Variants in ASIC2 observed in about 807,000 individuals in gnomAD.
ASIC2 encodes the protein acid-sensing ion channel 2.
A neutral mutation model predicts 57.3 loss-of-function variants in ASIC2; 25 were observed. That is an observed-to-expected ratio of 0.44 (90% confidence interval 0.32 to 0.61). ASIC2 has a LOEUF of 0.61. ASIC2 is among the 20% of genes least tolerant of loss of function. The pLI is 0.06. For synonymous variants in ASIC2, 319 were observed against 307.5 expected, an observed-to-expected ratio of 1.04 and a Z score of -0.39; for missense variants, 641 against 738.1, an observed-to-expected ratio of 0.87 and a Z score of 1.52.
Position 33,429,701 on chromosome 17 carries a change from G to C in ASIC2, c.556-317634C>G, listed in dbSNP as rs557194845. Among the ~76,000 whole-genome samples, 6 of 152,228 alleles carry C rather than the reference G, an allele frequency of 3.9e-5. No homozygotes were observed. The East Asian group carries it at 1.2e-3, about 29-fold the overall frequency. On this transcript the variant is annotated intron_variant, in intron 1 of 9. Transcript: ENST00000359872. ...CACCGCCCCCAGCCCAGCCTAGGTAGTTTTGAACAAAATGAGATCTGAGGC... is the reference window on the plus strand; with the variant it reads ...CACCGCCCCCAGCCCAGCCTAGGTACTTTTGAACAAAATGAGATCTGAGGC...
In ASIC2 at chr17:33,224,150, A is replaced by G. The variant is rs1472573365; in HGVS notation, c.708+67258T>C. On this transcript the variant is annotated intron_variant, in intron 1 of 9. Transcript: ENST00000225823. ...AAGAACACAGGGTCAGGTGTTGTGC[A>G]TGTAAGCTTGGCAAATCCTATCATA... Among the ~76,000 whole-genome samples the G allele has an allele frequency of 2.6e-5, 4 of 152,356 alleles. 1 individual carries two copies. The highest frequency in any genetic ancestry group is 6.8e-3 in the Middle Eastern group (2 of 294).
intron 1 of ASIC2, among the ~76,000 whole-genome samples, chr17:33,445,534 C>A (rs1160932690): frequency 1.3e-5 from 2 of 152,082 alleles, no homozygotes; most frequent in African/African-American, 2.4e-5. Flanking sequence ...GCCATTGGTT[C>A]TCTGTGGGCA....
intron 1 of ASIC2, among the ~76,000 whole-genome samples, chr17:33,682,188 T>C (rs1216130061): frequency 2.6e-5 from 4 of 151,566 alleles, no homozygotes; most frequent in African/African-American, 9.7e-5. Flanking sequence ...GCCTCCTGAA[T>C]AGCTGGGACT....
intron 1 of ASIC2, among the ~76,000 whole-genome samples, chr17:33,673,897 C>CTTTTTTT (rs574986885): frequency 7.1e-6 from 1 of 141,134 alleles, no homozygotes; most frequent in African/African-American, 2.7e-5. Context: ...GCATCCGTGT[C>CTTTTTTT]TTTTTTTTTT....
At chr17:33,110,741 C>A (rs778901812) in intron 2 of ASIC2, among the ~76,000 whole-genome samples, 1 of 152,156 alleles carries the variant, frequency 6.6e-6, no homozygotes, top group South Asian at 2.1e-4. Flanking sequence ...GAGTGCCAGA[C>A]TCTAGAGTCC....
intron 1 of ASIC2, among the ~76,000 whole-genome samples, chr17:33,938,814 C>T (rs1182357228): frequency 6.6e-6 from 1 of 152,242 alleles, no homozygotes; most frequent in African/African-American, 2.4e-5. Context: ...GCATGGCTGT[C>T]TCCCTGCCTC....
chr17:33,160,357 A>T (rs1025677994), intron 1 of ASIC2, among the ~76,000 whole-genome samples: 1 of 152,224 alleles, frequency 6.6e-6, no homozygotes, highest in Non-Finnish European at 1.5e-5. Flanking sequence ...AAGAAAATGG[A>T]GTCTCAGAGT....
At position 33,799,403 on chromosome 17, in the gene ASIC2, T is replaced by TTTCTTTCTTTC. The variant is rs756059318; in HGVS notation, c.555+356574_555+356575insGAAAGAAAGAA. ...CTTTCTTTCTTTCTTTCTTTCTTTC[T>TTTCTTTCTTTC]TTTCTTTCTTTCTTTCTTTCTTTCT... On this transcript the variant is annotated intron_variant, in intron 1 of 9. Coordinates refer to the ASIC2 transcript ENST00000359872. Among the ~76,000 whole-genome samples the TTTCTTTCTTTC allele has an allele frequency of 5.0e-3, 255 of 51,308 alleles. 5 individuals are homozygous for TTTCTTTCTTTC. Among genetic ancestry groups the TTTCTTTCTTTC allele is most frequent in the African/African-American group, 7.6e-3 (118 of 15,540 alleles). The allele number at this position is 51,308 out of a possible 152,430, so 33.7% of individuals were successfully genotyped here.
At chr17:33,472,031 T>C (rs982319420) in intron 1 of ASIC2, among the ~76,000 whole-genome samples, 1 of 151,480 alleles carries the variant, frequency 6.6e-6, no homozygotes, top group African/African-American at 2.4e-5. Flanking sequence ...TTTTTTTTTT[T>C]TTTTTGATAC....
At chr17:33,113,551 A>C (rs1387180794) in intron 1 of ASIC2, among the ~76,000 whole-genome samples, 4 of 152,206 alleles carry the variant, frequency 2.6e-5, no homozygotes, top group Non-Finnish European at 5.9e-5. Context: ...TGGAGGCCAC[A>C]GGGAGGCTCT....
rs540395006 is a variant in ASIC2, at chr17:34,101,275, T to C, written c.555+54703A>G. ...TACATATACAAGGCTCAGTCCCTCCTTCAAGGGGCCCACCCACTAGTAATG... is the reference window on the plus strand; with the variant it reads ...TACATATACAAGGCTCAGTCCCTCCCTCAAGGGGCCCACCCACTAGTAATG... On this transcript the variant is annotated intron_variant, in intron 1 of 9. Coordinates refer to the ASIC2 transcript ENST00000359872. Among the ~76,000 whole-genome samples, 4 of 152,282 alleles carry C rather than the reference T, an allele frequency of 2.6e-5. No individual in the cohort carries two copies. The East Asian group carries it at 5.8e-4, about 22-fold the overall frequency.
chr17:34,007,021 T>C (rs1443447162), intron 1 of ASIC2, among the ~76,000 whole-genome samples: 1 of 152,146 alleles, frequency 6.6e-6, no homozygotes, highest in Non-Finnish European at 1.5e-5. Context: ...GATATCCCCA[T>C]CCTGGTTTGA....
intron 1 of ASIC2, among the ~76,000 whole-genome samples, chr17:33,178,644 C>A (rs536468625): frequency 6.6e-6 from 1 of 152,130 alleles, no homozygotes. Flanking sequence ...GTGCAGTGGG[C>A]GTGCTATCTG....
intron 1 of ASIC2, among the ~76,000 whole-genome samples, chr17:33,323,733 A>G (rs1259867832): frequency 6.6e-6 from 1 of 152,198 alleles, no homozygotes; most frequent in Non-Finnish European, 1.5e-5. Context: ...CCCCGCCCCA[A>G]AAAAGAAATA....
chr17:34,021,832 G>GTTTT (rs1324168238), intron 1 of ASIC2, among the ~76,000 whole-genome samples: 1 of 121,422 alleles, frequency 8.2e-6, no homozygotes, highest in African/African-American at 4.0e-5. Context: ...TTTGTGTTTT[G>GTTTT]TTTTGTTTTT....
intron 1 of ASIC2, among the ~76,000 whole-genome samples, chr17:33,564,335 C>T (rs970538450): frequency 2.6e-5 from 4 of 152,146 alleles, no homozygotes; most frequent in South Asian, 2.1e-4. Context: ...GTTAATCCAC[C>T]GGTCAGTTTG....
intron 1 of ASIC2, among the ~76,000 whole-genome samples, chr17:33,615,316 T>C (rs1468798784): frequency 1.3e-5 from 2 of 152,248 alleles, no homozygotes; most frequent in Non-Finnish European, 2.9e-5. Context: ...TATTTCCTTG[T>C]TCTTTCACCA....
chr17:33,651,128 A>AACAC (rs375276938), intron 1 of ASIC2, among the ~76,000 whole-genome samples: 2 of 150,102 alleles, frequency 1.3e-5, no homozygotes, highest in East Asian at 1.9e-4. Flanking sequence ...ATTTTGTAGA[A>AACAC]ACACACACAC....
Position 33,455,436 on chromosome 17 carries a change from G to A in ASIC2, c.556-343369C>T, listed in dbSNP as rs115841565. Among the ~76,000 whole-genome samples, 520 of 152,314 alleles carry A rather than the reference G, an allele frequency of 3.4e-3. 3 individuals are homozygous for A. The highest frequency in any genetic ancestry group is 0.012 in the African/African-American group (488 of 41,576). Reference sequence around the variant, plus strand: ...AGCTCCCACTTATAAAGGAGAACATGCAATATTTGGCTTACTGTTTCTTTG... The same window carrying A: ...AGCTCCCACTTATAAAGGAGAACATACAATATTTGGCTTACTGTTTCTTTG... On this transcript the variant is annotated intron_variant, in intron 1 of 9. Transcript: ENST00000359872.
Sources: allele counts gnomAD v4.1 joint callset (sites outside exome capture counted in the v4.1 genomes callset), GRCh38; gene constraint gnomAD v4.1.1; transcripts MANE v1.5; gene names NCBI Gene and HGNC (gene_info 2026-07-23, HGNC 2026-07-21).